The following AKAP12 variants were observed in gnomAD, a reference collection of about 807,000 sequenced individuals.
The protein encoded by AKAP12 is A-kinase anchor protein 12.
A neutral mutation model predicts 79.9 loss-of-function variants in AKAP12; 32 were observed. That is an observed-to-expected ratio of 0.40 (90% CI 0.30 to 0.54). The LOEUF (loss-of-function observed/expected upper bound fraction) is 0.54. Among genes scored for constraint, AKAP12 ranks in the 20% least tolerant of loss-of-function variants. The pLI, the probability that AKAP12 is intolerant of heterozygous loss-of-function variation, is 0.48. For missense variants in AKAP12, 2,074 were observed against 2,177.0 expected (o/e 0.95, Z 0.94); for synonymous variants, 808 against 857.0 (o/e 0.94, Z 1.00).
intron 2 of AKAP12, among the ~76,000 whole-genome samples, chr6:151,304,823 C>T (rs554710901): frequency 3.9e-5 from 6 of 152,078 alleles, no homozygotes; most frequent in African/African-American, 9.6e-5. Context: ...CTGCCCGCCT[C>T]GGCCTCCCAA....
chr6:151,305,674 G>A (rs547444213), intron 2 of AKAP12, 73 bp from the exon 3 acceptor site: 26 of 1,405,682 alleles, frequency 1.8e-5, no homozygotes, highest in Non-Finnish European at 2.4e-5. Context: ...TTGTATTCTG[G>A]AAGTTAATGC....
intron 2 of AKAP12, among the ~76,000 whole-genome samples, chr6:151,272,514 G>GATAGATAC (rs1220884949): frequency 3.3e-5 from 5 of 151,822 alleles, no homozygotes; most frequent in Non-Finnish European, 7.4e-5. Context: ...TAGATAGATA[G>GATAGATAC]ATAGATAGAT....
At chr6:151,298,565 G>A (rs1412188054) in intron 2 of AKAP12, among the ~76,000 whole-genome samples, 2 of 152,020 alleles carry the variant, frequency 1.3e-5, no homozygotes, top group South Asian at 2.1e-4. Context: ...AAGCCAATGC[G>A]GGTGGATCAC....
intron 2 of AKAP12, among the ~76,000 whole-genome samples, chr6:151,270,624 G>A (rs1215630683): frequency 6.6e-6 from 1 of 152,168 alleles, no homozygotes; most frequent in African/African-American, 2.4e-5. Context: ...CAAAGCAGCT[G>A]CACCATTTTA....
At chr6:151,283,561 A>G (rs1027265671) in intron 2 of AKAP12, among the ~76,000 whole-genome samples, 6 of 152,214 alleles carry the variant, frequency 3.9e-5, no homozygotes, top group Non-Finnish European at 8.8e-5. Context: ...TGTCTGTCCT[A>G]CGCGCTTGGT....
intron 2 of AKAP12, among the ~76,000 whole-genome samples, chr6:151,261,352 C>T (rs559783800): frequency 2.0e-5 from 3 of 151,250 alleles, no homozygotes; most frequent in South Asian, 4.2e-4. Context: ...GCCTGGATGA[C>T]AGAATGAGAC....
chr6:151,253,428 G>T (rs1445388379), intron 2 of AKAP12, among the ~76,000 whole-genome samples: 5 of 151,978 alleles, frequency 3.3e-5, no homozygotes, highest in African/African-American at 4.8e-5. Context: ...AGGTCTTGCT[G>T]TGTTGCCCAG....
chr6:151,287,009 G>A (rs974398583), intron 2 of AKAP12, among the ~76,000 whole-genome samples: 1 of 151,776 alleles, frequency 6.6e-6, no homozygotes, highest in Non-Finnish European at 1.5e-5. Flanking sequence ...CGTGATCTCG[G>A]CTCACTGCTC....
chr6:151,246,629 A>C (rs1797080642), intron 2 of AKAP12, among the ~76,000 whole-genome samples: 2 of 152,166 alleles, frequency 1.3e-5, no homozygotes, highest in Admixed American at 6.5e-5. Context: ...TGTGAAGTTG[A>C]ATGCCTCATC....
rs762123639 is a variant in AKAP12 at position 151,350,638 on chromosome 6, C to T, written c.2247C>T (p.Ser749=). 1.3e-5 allele frequency: 21 copies of T among 1,614,004 alleles called. No individual in the cohort carries two copies. The South Asian group carries it at 2.1e-4, about 16-fold the overall frequency. ...GTTCCTCCCCGGAGCAAGCTGGAAG[C>T]CCTACCGAAGGGGAGGGCGTTTCCA... The part of the protein sequence containing the change: ...QGSSSPEQAG[S]PTEGEGVSTW... The change falls in exon 4 of 5, where the codon AGC becomes AGT. Residue 749 remains serine (S), a synonymous_variant. Transcript: ENST00000402676. This position sits in a 1 kb window ranked among gnomAD's most constrained non-coding sequence, Gnocchi z 4.8.
At chr6:151,268,615 A>G (rs1776105468) in intron 2 of AKAP12, among the ~76,000 whole-genome samples, 1 of 152,130 alleles carries the variant, frequency 6.6e-6, no homozygotes. Context: ...TCCATTTTGG[A>G]AAAGACTTGT....
intron 3 of AKAP12, 76 bp downstream of exon 3, chr6:151,305,979 C>T (rs1276020994): frequency 1.4e-6 from 2 of 1,446,960 alleles, no homozygotes; most frequent in African/African-American, 2.8e-5. Context: ...AATACTCTGT[C>T]ATACTGCCTG....
Position 151,323,893 on chromosome 6 carries a change from C to G in AKAP12, c.319+17990C>G, listed in dbSNP as rs899083200. On this transcript the variant is annotated intron_variant, in intron 3 of 4. Transcript: ENST00000402676. ...CTGGTGCTGAGAAATGATGCAGAAC[C>G]AAGCCCTCAGATCCCAGATCACCCA... 4 of 985,276 alleles carry G rather than the reference C, an allele frequency of 4.1e-6. No individual in the cohort carries two copies. In the African/African-American group the frequency reaches 5.2e-5, roughly 13 times the overall value. 61.0% of individuals were successfully genotyped at this position (985,276 alleles called of 1,614,324 possible). A position where few individuals can be genotyped will look rare whatever the true frequency, so the allele number is the denominator to read the frequency against.
intron 2 of AKAP12, among the ~76,000 whole-genome samples, chr6:151,279,649 G>C (rs761165632): frequency 1.3e-5 from 2 of 151,872 alleles, no homozygotes; most frequent in Non-Finnish European, 2.9e-5. Flanking sequence ...ACACTGCTCG[G>C]TGAGGCATTT....
intron 2 of AKAP12, among the ~76,000 whole-genome samples, chr6:151,259,335 G>T (rs969890799): frequency 6.6e-6 from 1 of 150,772 alleles, no homozygotes; most frequent in East Asian, 2.0e-4. Flanking sequence ...TGTGAGCCAC[G>T]GCGCCCGGCC....
chr6:151,337,666 T>C (rs1233129814), intron 3 of AKAP12, among the ~76,000 whole-genome samples: 1 of 152,206 alleles, frequency 6.6e-6, no homozygotes, highest in Non-Finnish European at 1.5e-5. Flanking sequence ...TTGCTATATT[T>C]ACTTTCTTTT....
intron 2 of AKAP12, among the ~76,000 whole-genome samples, chr6:151,264,169 C>T (rs1170984557): frequency 6.6e-6 from 1 of 152,002 alleles, no homozygotes; most frequent in Non-Finnish European, 1.5e-5. Flanking sequence ...GGCTCAATAT[C>T]CAAGCATGCC....
chr6:151,344,683 G>A (rs911253345), intron 3 of AKAP12, among the ~76,000 whole-genome samples: 20 of 152,052 alleles, frequency 1.3e-4, no homozygotes, highest in Admixed American at 6.6e-4. Context: ...ACAGGCACCC[G>A]CCACTACGCC....
chr6:151,351,643 G>T lies in AKAP12; in HGVS notation c.3252G>T (p.Ser1084=). The T allele has an allele frequency of 6.2e-7, 1 of 1,614,112 alleles. No individual in the cohort carries two copies. Among genetic ancestry groups the T allele is most frequent in the Non-Finnish European group, 8.5e-7 (1 of 1,180,040 alleles). The change falls in exon 4 of 5, where the codon TCG becomes TCT. Residue 1084 remains serine (S), a synonymous_variant. Transcript: ENST00000402676. The surrounding 1 kb of genome is among the most constrained non-coding windows in gnomAD (Gnocchi z 4.4). ...GACCAGAAGAGCAGGCTGAAGCGTC[G>T]GGTCTGAAGAAAGAGACGGATGTAG... ...AERPEEQAEA[S]GLKKETDVVL...
Sources: gnomAD v4.1 joint callset for allele counts (sites outside exome capture counted in the v4.1 genomes callset) on GRCh38, gnomAD v4.1.1 for gene constraint, Gnocchi (gnomAD v3.1) non-coding constraint, MANE v1.5 for transcripts, NCBI Gene and HGNC (gene_info 2026-07-23, HGNC 2026-07-21) for gene names.